The following JMJD1C variants were observed in gnomAD, a reference collection of about 807,000 sequenced individuals.
JMJD1C encodes the protein jumonji domain-containing protein 1C.
A neutral mutation model predicts 245.3 loss-of-function variants in JMJD1C; 31 were observed. That is an observed-to-expected ratio of 0.13 (90% CI 0.09 to 0.17). The LOEUF is 0.17. Ranked by LOEUF, JMJD1C falls within the 10% of genes least tolerant of loss-of-function variation. The pLI is 1.00. For missense variants in JMJD1C, 2,691 were observed against 3,000.2 expected, an observed-to-expected ratio of 0.90 and a Z score of 2.41; for synonymous variants, 1,057 against 1,017.4, an observed-to-expected ratio of 1.04 and a Z score of -0.74.
intron 1 of JMJD1C, among the ~76,000 whole-genome samples, chr10:63,484,742 T>C (rs542503281): frequency 5.3e-5 from 8 of 152,112 alleles, no homozygotes; most frequent in African/African-American, 1.7e-4. Context: ...AAATTGATTA[T>C]AATAAGTACT....
intron 1 of JMJD1C, among the ~76,000 whole-genome samples, chr10:63,459,773 A>G (rs544152246): frequency 6.6e-6 from 1 of 152,342 alleles, no homozygotes; most frequent in African/African-American, 2.4e-5. Flanking sequence ...CAGTTAACAT[A>G]CTTTTGCTTC....
intron 2 of JMJD1C, among the ~76,000 whole-genome samples, chr10:63,265,335 T>C (rs999096981): frequency 7.9e-6 from 1 of 127,320 alleles, no homozygotes; most frequent in Non-Finnish European, 1.6e-5. Context: ...AGGAAGGGAG[T>C]AGAGAGAGTC....
upstream of JMJD1C, among the ~76,000 whole-genome samples, chr10:63,469,700 T>C (rs1953429214): frequency 6.6e-6 from 1 of 152,078 alleles, no homozygotes; most frequent in South Asian, 2.1e-4. Flanking sequence ...TTAACAAATA[T>C]TTTTCAAACC....
chr10:63,371,571 C>T (rs912043320), intron 2 of JMJD1C, among the ~76,000 whole-genome samples: 2 of 152,164 alleles, frequency 1.3e-5, no homozygotes, highest in African/African-American at 4.8e-5. Context: ...AGGTACGTGA[C>T]AAACATTAGC....
intron 20 of JMJD1C, 50 bp downstream of exon 20, chr10:63,185,513 G>A (rs376798332): frequency 1.9e-4 from 191 of 1,026,570 alleles, no homozygotes; most frequent in Non-Finnish European, 8.2e-5. Flanking sequence ...TCTGGGGACA[G>A]TCTTAGCTCG....
At chr10:63,486,151 A>AC (rs1953989694) in intron 1 of JMJD1C, among the ~76,000 whole-genome samples, 1 of 78,926 alleles carries the variant, frequency 1.3e-5, no homozygotes, top group African/African-American at 4.1e-5. Context: ...AAAAAAAAAA[A>AC]AAAAAAAAAA....
chr10:63,260,625 TG>T lies in JMJD1C; in HGVS notation c.447+4025del, dbSNP rs200512567. Among the ~76,000 whole-genome samples, 758 of 152,184 alleles carry T rather than the reference TG, an allele frequency of 5.0e-3. 6 individuals are homozygous for T. Among genetic ancestry groups the T allele is most frequent in the African/African-American group, 0.017 (711 of 41,526 alleles). On this transcript the variant is annotated intron_variant, in intron 3 of 25. Transcript: ENST00000399262. ...TTTTTTTTGAGATGTAGTCACGCTC[TG>T]TTGCCCAGGCTAGAGTGCAGTGGCG...
intron 2 of JMJD1C, among the ~76,000 whole-genome samples, chr10:63,292,786 T>C (rs1271323101): frequency 6.6e-6 from 1 of 152,150 alleles, no homozygotes; most frequent in Non-Finnish European, 1.5e-5. Context: ...GGCTCACGCC[T>C]GTAATCCCAG....
intron 1 of JMJD1C, among the ~76,000 whole-genome samples, chr10:63,475,704 C>T (rs1953638746): frequency 6.6e-6 from 1 of 152,094 alleles, no homozygotes; most frequent in South Asian, 2.1e-4. Context: ...CATCCAAGGC[C>T]CCATGCCCAC....
chr10:63,249,968 A>C (rs912039976), intron 3 of JMJD1C, among the ~76,000 whole-genome samples: 8 of 152,192 alleles, frequency 5.3e-5, no homozygotes, highest in African/African-American at 1.9e-4. Flanking sequence ...TTAAATTATC[A>C]CATGTACCCC....
intron 2 of JMJD1C, among the ~76,000 whole-genome samples, chr10:63,360,743 T>G (rs1392770073): frequency 6.6e-6 from 1 of 152,150 alleles, no homozygotes; most frequent in Non-Finnish European, 1.5e-5. Context: ...ACCACAAAAG[T>G]TACATGTTTC....
At chr10:63,370,889 G>T (rs1156269588) in intron 2 of JMJD1C, among the ~76,000 whole-genome samples, 1 of 152,120 alleles carries the variant, frequency 6.6e-6, no homozygotes, top group Non-Finnish European at 1.5e-5. Context: ...CAATTTGCTA[G>T]GAAATAATAG....
chr10:63,304,333 A>G (rs749065395), intron 2 of JMJD1C, among the ~76,000 whole-genome samples: 4 of 152,208 alleles, frequency 2.6e-5, no homozygotes, highest in African/African-American at 7.2e-5. Flanking sequence ...GGCTGTCTCT[A>G]CTTTTCAGAC....
At chr10:63,218,100 C>G (rs930713782) in intron 4 of JMJD1C, among the ~76,000 whole-genome samples, 1 of 151,966 alleles carries the variant, frequency 6.6e-6, no homozygotes, top group South Asian at 2.1e-4. Context: ...AACTGCTGTA[C>G]CTTAATAATT....
Position 63,217,202 on chromosome 10 carries a change from T to A in JMJD1C, c.678+5A>T, listed in dbSNP as rs1350682924. 6.2e-7 allele frequency: 1 copy of A among 1,605,394 alleles called. No homozygotes were observed. Among genetic ancestry groups the A allele is most frequent in the African/African-American group, 1.3e-5 (1 of 74,492 alleles). ...CTCTATAAAAATATTAGTGGAACTA[T>A]TTACCTGATCATTCATAACGATCAT... On this transcript the variant is annotated splice_donor_5th_base_variant and intron_variant, in intron 5 of 25. Transcript: ENST00000399262.
chr10:63,391,508 TCAACAA>T (rs140504932), intron 1 of JMJD1C, among the ~76,000 whole-genome samples: 21,426 of 149,304 alleles, frequency 0.14, 2,088 homozygotes, highest in Admixed American at 0.3. Context: ...AGACTCCGTC[TCAACAA>T]CAACAACAAC....
intron 2 of JMJD1C, among the ~76,000 whole-genome samples, chr10:63,341,892 T>C (rs746916690): frequency 6.6e-6 from 1 of 152,210 alleles, no homozygotes; most frequent in Non-Finnish European, 1.5e-5. Context: ...AGATGCCACA[T>C]ACGCTGTTGC....
chr10:63,287,699 T>C (rs1042671577), intron 2 of JMJD1C, among the ~76,000 whole-genome samples: 5 of 152,280 alleles, frequency 3.3e-5, no homozygotes, highest in African/African-American at 7.2e-5. Context: ...CTGTAATTAT[T>C]TGCAAATATT....
chr10:63,242,618 T>C (rs1173740989), intron 3 of JMJD1C, among the ~76,000 whole-genome samples: 1 of 152,066 alleles, frequency 6.6e-6, no homozygotes, highest in African/African-American at 2.4e-5. Flanking sequence ...CCCAGCAACT[T>C]GAAAGGCTGA....
Sources: allele counts gnomAD v4.1 joint callset (sites outside exome capture counted in the v4.1 genomes callset), GRCh38; gene constraint gnomAD v4.1.1; transcripts MANE v1.5; gene names NCBI Gene and HGNC (gene_info 2026-07-23, HGNC 2026-07-21).